The following WDR12 variants were observed in gnomAD, a reference collection of about 807,000 sequenced individuals.
WDR12 encodes the protein ribosome biogenesis protein WDR12.
WDR12 carries 42 observed loss-of-function variants against 64.3 expected under a neutral mutation model. That is an observed-to-expected ratio of 0.65 (90% CI 0.51 to 0.84). The LOEUF (loss-of-function observed/expected upper bound fraction) is 0.84. WDR12 is among the 40% of genes least tolerant of loss of function. The pLI is 0.00. For missense variants in WDR12, 469 were observed against 494.6 expected (o/e 0.95, Z 0.49); for synonymous variants, 158 against 173.3 (o/e 0.91, Z 0.70).
At chr2:202,891,609 A>T (rs1688157924) in intron 8 of WDR12, among the ~76,000 whole-genome samples, 1 of 152,200 alleles carries the variant, frequency 6.6e-6, no homozygotes, top group African/African-American at 2.4e-5. Flanking sequence ...ATTCTATTTG[A>T]TAAATAATTT....
rs1322589105 is a variant in WDR12 at position 202,875,716 on chromosome 2, A to C, written c.*5144T>G. On this transcript the variant is annotated 3_prime_UTR_variant, in exon 13 of 13. Transcript: ENST00000261015. ...TATAACCTTTCTGTTAGGCAAGTGA[A>C]GACACTTCCACACTCATTCTTTCCA... is the stretch of plus-strand genomic sequence containing the variant. The C allele has an allele frequency of 6.6e-6, 1 of 152,222 alleles. No individual in the cohort carries two copies. Among genetic ancestry groups the C allele is most frequent in the Non-Finnish European group, 1.5e-5 (1 of 68,038 alleles). 9.4% of individuals were successfully genotyped at this position (152,222 alleles called of 1,614,324 possible). A position where few individuals can be genotyped will look rare whatever the true frequency, so the allele number is the denominator to read the frequency against.
At chr2:202,882,935 T>G in intron 11 of WDR12, 152 bp from the exon 12 acceptor site, 3 of 576,248 alleles carry the variant, frequency 5.2e-6, no homozygotes. Flanking sequence ...TTTGATCATC[T>G]CTCCTCTTTT....
In WDR12 at chr2:202,878,417, T is replaced by G. The variant is rs768185265; in HGVS notation, c.*2443A>C. On this transcript the variant is annotated 3_prime_UTR_variant, in exon 13 of 13. Transcript: ENST00000261015. ...CCAGAGACTACAAATACAATAAAATTTATACCAATCAGCACAAAATGAGAA... is the reference window on the plus strand; with the variant it reads ...CCAGAGACTACAAATACAATAAAATGTATACCAATCAGCACAAAATGAGAA... 1.3e-5 allele frequency: 2 copies of G among 152,186 alleles called. No individual in the cohort carries two copies. The highest frequency in any genetic ancestry group is 2.9e-5 in the Non-Finnish European group (2 of 68,028). 9.4% of individuals were successfully genotyped at this position (152,186 alleles called of 1,614,324 possible).
intron 3 of WDR12, among the ~76,000 whole-genome samples, 176 bp downstream of exon 3, chr2:202,900,848 TA>T (rs1228286778): frequency 3.3e-5 from 5 of 152,150 alleles, no homozygotes; most frequent in African/African-American, 1.2e-4. Flanking sequence ...ACACTATATA[TA>T]TTCAATACAC....
At chr2:202,885,027 T>C (rs1331980344) in intron 8 of WDR12, among the ~76,000 whole-genome samples, 3 of 152,174 alleles carry the variant, frequency 2.0e-5, no homozygotes, top group African/African-American at 4.8e-5. Context: ...CATCCTGAGA[T>C]AGGGAGCAAC....
rs1688066005 is a variant in WDR12 at position 202,887,365 on chromosome 2, T to C, written c.742-2830A>G. On this transcript the variant is annotated intron_variant, in intron 8 of 12. Transcript: ENST00000261015. Reference sequence around the variant, plus strand: ...GGGTTGTTTTTACAACACTTATAATTGTAAAAACCATCCTTAGCTCTCTGT... The same window carrying C: ...GGGTTGTTTTTACAACACTTATAATCGTAAAAACCATCCTTAGCTCTCTGT... Among the ~76,000 whole-genome samples, 5 of 152,252 alleles carry C rather than the reference T, an allele frequency of 3.3e-5. No homozygotes were observed. The South Asian group carries it at 1.0e-3, about 32-fold the overall frequency.
At chr2:202,906,690 C>T (rs1688464294) in intron 2 of WDR12, among the ~76,000 whole-genome samples, 5 of 152,134 alleles carry the variant, frequency 3.3e-5, no homozygotes, top group Admixed American at 3.3e-4. Flanking sequence ...TGGTGAAACC[C>T]CGTTTCTACT....
Position 202,911,433 on chromosome 2 carries a change from T to C in WDR12, c.41+3A>G, listed in dbSNP as rs1227645110. On this transcript the variant is annotated splice_donor_region_variant and intron_variant, in intron 1 of 12. Transcript: ENST00000261015. ...GGGAGAGAAGGCTGGAACGCTTACT[T>C]ACTTCTTGTTATCAGTGTAGAAGCG... 5 of 1,614,132 alleles carry C rather than the reference T, an allele frequency of 3.1e-6. No homozygotes were observed. The Admixed American group carries it at 6.7e-5, about 22-fold the overall frequency.
At chr2:202,884,332 C>T (rs755176340) in intron 9 of WDR12, 29 bp from the exon 10 acceptor site, 1 of 1,613,488 alleles carries the variant, frequency 6.2e-7, no homozygotes, top group Non-Finnish European at 8.5e-7. Context: ...GAACATTAAC[C>T]ATGGTAGACT....
At chr2:202,887,842 T>G (rs958268029) in intron 8 of WDR12, among the ~76,000 whole-genome samples, 1 of 143,404 alleles carries the variant, frequency 7.0e-6, no homozygotes, top group Non-Finnish European at 1.5e-5. Context: ...GAGCCGAGAT[T>G]GCGCCACTGC....
At position 202,880,905 on chromosome 2, in the gene WDR12, C is replaced by A. The variant is rs1374873094; in HGVS notation, c.1227G>T (p.Leu409Phe). The change falls in exon 13 of 13, where the codon TTG becomes TTT. Residue 409 changes from leucine to phenylalanine, a missense_variant. By Grantham distance (22) the Leu-to-Phe change is conservative (BLOSUM62 0). Coordinates refer to ENST00000261015, the MANE Select transcript of WDR12 (RefSeq NM_018256.4). ...LLLSGGADNKLYSYRYSPTTS... is the reference protein window; with the variant it reads ...LLLSGGADNKFYSYRYSPTTS... ...TGGTAGGTGAATATCTGTAGGAATA[C>A]AATTTATTGTCTGCTCCTCCACTCA... 2 of 1,609,624 alleles carry A rather than the reference C, an allele frequency of 1.2e-6. No individual in the cohort carries two copies. Among genetic ancestry groups the A allele is most frequent in the African/African-American group, 1.3e-5 (1 of 74,808 alleles).
rs950677115 is a variant in WDR12, at chr2:202,879,219, C to G, written c.*1641G>C. On this transcript the variant is annotated 3_prime_UTR_variant, in exon 13 of 13. Coordinates refer to ENST00000261015, the MANE Select transcript of WDR12 (RefSeq NM_018256.4). ...CTAATTTTTTGTATTTTATTAGAGACGAGGTTTCACTGTGTTGCCCAGGCT... is the reference window on the plus strand; with the variant it reads ...CTAATTTTTTGTATTTTATTAGAGAGGAGGTTTCACTGTGTTGCCCAGGCT... 6.6e-6 allele frequency: 1 copy of G among 151,916 alleles called. No homozygotes were observed. Among genetic ancestry groups the G allele is most frequent in the South Asian group, 2.1e-4 (1 of 4,818 alleles). 9.4% of individuals were successfully genotyped at this position (151,916 alleles called of 1,614,324 possible). A position where few individuals can be genotyped will look rare whatever the true frequency, so the allele number is the denominator to read the frequency against.
chr2:202,903,763 A>G (rs1258758074), intron 2 of WDR12, among the ~76,000 whole-genome samples: 1 of 152,170 alleles, frequency 6.6e-6, no homozygotes, highest in African/African-American at 2.4e-5. Flanking sequence ...TTCTACTTAC[A>G]GTAGCCACAA....
intron 7 of WDR12, among the ~76,000 whole-genome samples, chr2:202,893,107 G>A (rs1255269677): frequency 6.6e-6 from 1 of 151,988 alleles, no homozygotes; most frequent in African/African-American, 2.4e-5. Flanking sequence ...TTTCAGCCAT[G>A]TTTATTCTCT....
intron 3 of WDR12, among the ~76,000 whole-genome samples, chr2:202,899,878 A>T (rs1202856428): frequency 6.6e-6 from 1 of 152,188 alleles, no homozygotes; most frequent in Non-Finnish European, 1.5e-5. Context: ...CCAGCTATTA[A>T]CATTAGGAAA....
At chr2:202,903,052 C>A (rs951105798) in intron 2 of WDR12, among the ~76,000 whole-genome samples, 1 of 152,090 alleles carries the variant, frequency 6.6e-6, no homozygotes, top group Non-Finnish European at 1.5e-5. Context: ...GCACTCCAGC[C>A]TGGGCGACAG....
chr2:202,897,547 C>A (rs913565920), intron 4 of WDR12, 132 bp from the exon 5 acceptor site: 5 of 478,838 alleles, frequency 1.0e-5, no homozygotes, highest in East Asian at 3.6e-5. Context: ...ATTGAGATTT[C>A]AAGCCATACT....
intron 8 of WDR12, among the ~76,000 whole-genome samples, chr2:202,884,974 C>T (rs1399631122): frequency 6.6e-6 from 1 of 152,146 alleles, no homozygotes; most frequent in East Asian, 1.9e-4. Context: ...TTTCTTCTTG[C>T]CTGTAGTTCT....
At chr2:202,910,690 T>C (rs1195356915) in intron 1 of WDR12, among the ~76,000 whole-genome samples, 2 of 152,200 alleles carry the variant, frequency 1.3e-5, no homozygotes, top group African/African-American at 4.8e-5. Context: ...TAAGTACATA[T>C]ACTCAGGTGC....
Sources: allele counts gnomAD v4.1 joint callset (sites outside exome capture counted in the v4.1 genomes callset), GRCh38; gene constraint gnomAD v4.1.1; transcripts MANE v1.5; gene names NCBI Gene and HGNC (gene_info 2026-07-23, HGNC 2026-07-21).